WLS: variants seen among roughly 807,000 people sequenced by gnomAD.
WLS encodes the protein Wnt ligand secretion mediator, also known as protein wntless homolog.
WLS carries 23 observed loss-of-function variants against 62.8 expected under a neutral mutation model. The ratio of observed to expected loss-of-function variants is 0.37; its 90% CI spans 0.26 to 0.52. The LOEUF (loss-of-function observed/expected upper bound fraction) is 0.52, where lower values mean the gene tolerates loss of function less well. Among genes scored for constraint, WLS ranks in the 20% least tolerant of loss-of-function variants. WLS has a pLI of 0.92. For synonymous variants in WLS, 246 were observed against 244.1 expected, an observed-to-expected ratio of 1.01 and a Z score of -0.07; for missense variants, 615 against 697.3, an observed-to-expected ratio of 0.88 and a Z score of 1.33.
chr1:68,104,272 G>A (rs1230659050), intron 11 of WLS, among the ~76,000 whole-genome samples: 1 of 152,088 alleles, frequency 6.6e-6, no homozygotes, highest in African/African-American at 2.4e-5. Context: ...ATACAAAATG[G>A]TTCTGAGAAT....
At chr1:68,136,523 C>T (rs538203752) in intron 11 of WLS, among the ~76,000 whole-genome samples, 6 of 152,296 alleles carry the variant, frequency 3.9e-5, no homozygotes, top group East Asian at 1.9e-4. Context: ...TACCACCCCC[C>T]GCTTTGTAAA....
At chr1:68,122,877 C>T (rs1355893897), downstream of WLS, among the ~76,000 whole-genome samples, 1 of 152,224 alleles carries the variant, frequency 6.6e-6, no homozygotes, top group African/African-American at 2.4e-5. Context: ...TGCAACCCCT[C>T]TCCTCTGGAC....
At chr1:68,153,956 G>T (rs1310431710) in intron 4 of WLS, among the ~76,000 whole-genome samples, 2 of 152,160 alleles carry the variant, frequency 1.3e-5, no homozygotes, top group Non-Finnish European at 2.9e-5. Flanking sequence ...GGGCTTTGGG[G>T]CAGGGTCACT....
At chr1:68,147,999 T>C in intron 8 of WLS, 137 bp downstream of exon 8, 2 of 886,186 alleles carry the variant, frequency 2.3e-6, no homozygotes, top group South Asian at 1.6e-5. Flanking sequence ...GCCTTAATTG[T>C]GCTGTTATGA....
intron 6 of WLS, 85 bp downstream of exon 6, chr1:68,150,103 C>A: frequency 1.4e-6 from 2 of 1,445,420 alleles, no homozygotes; most frequent in African/African-American, 1.4e-5. Flanking sequence ...CCACTGCTGA[C>A]TAGAGGCAAA....
intron 11 of WLS, among the ~76,000 whole-genome samples, chr1:68,100,217 G>A (rs1462232770): frequency 6.6e-6 from 1 of 152,224 alleles, no homozygotes; most frequent in Non-Finnish European, 1.5e-5. Context: ...TCACATATTA[G>A]TTGAGGATCC....
chr1:68,232,252 A>G lies in WLS; in HGVS notation c.48T>C (p.Ile16=), dbSNP rs1009088720. The change falls in exon 1 of 12, where the codon ATT becomes ATC. Residue 16 remains isoleucine, a synonymous_variant. Transcript: ENST00000262348. ...IENMSTKKLC[I]VGGILLVFQI... ...GGAACACGAGCAGAATCCCACCAACAATGCACAGCTTCTTGGTGCTCATGT... is the reference window on the plus strand; with the variant it reads ...GGAACACGAGCAGAATCCCACCAACGATGCACAGCTTCTTGGTGCTCATGT... The G allele has an allele frequency of 6.2e-7, 1 of 1,614,054 alleles. No individual in the cohort carries two copies. Among genetic ancestry groups the G allele is most frequent in the Non-Finnish European group, 8.5e-7 (1 of 1,180,000 alleles).
chr1:68,148,022 T>G, intron 8 of WLS, 114 bp downstream of exon 8: 1 of 1,106,894 alleles, frequency 9.0e-7, no homozygotes, highest in Non-Finnish European at 1.3e-6. Context: ...GGCCTGAGAA[T>G]CAAAGCCCTG....
chr1:68,178,448 C>T (rs902775703), intron 2 of WLS, among the ~76,000 whole-genome samples: 1 of 152,152 alleles, frequency 6.6e-6, no homozygotes, highest in Non-Finnish European at 1.5e-5. Flanking sequence ...CGCCTGTAAT[C>T]CCAGCACTTT....
chr1:68,123,714 C>G (rs1646390476), downstream of WLS, among the ~76,000 whole-genome samples: 1 of 152,130 alleles, frequency 6.6e-6, no homozygotes, highest in South Asian at 2.1e-4. Context: ...GACCTGACTT[C>G]CTGGTCACAG....
intron 2 of WLS, chr1:68,162,315 C>A: frequency 6.2e-7 from 1 of 1,613,668 alleles, no homozygotes. Flanking sequence ...GCCTCATCTG[C>A]TTTATGGTAA....
intron 1 of WLS, among the ~76,000 whole-genome samples, chr1:68,219,582 A>G (rs995101113): frequency 1.3e-5 from 2 of 152,206 alleles, no homozygotes; most frequent in African/African-American, 4.8e-5. Flanking sequence ...TTACCTCCAC[A>G]ATAGGTCCAA....
At chr1:68,172,347 G>C in intron 2 of WLS, among the ~76,000 whole-genome samples, 1 of 151,530 alleles carries the variant, frequency 6.6e-6, no homozygotes, top group East Asian at 2.0e-4. Flanking sequence ...TCCAAATGCT[G>C]TATATAAATA....
Position 68,198,236 on chromosome 1 carries a change from C to G in WLS, c.107-4009G>C, listed in dbSNP as rs948745244. Among the ~76,000 whole-genome samples, 4 of 152,146 alleles carry G rather than the reference C, an allele frequency of 2.6e-5. No individual in the cohort carries two copies. The East Asian group carries it at 5.8e-4, about 22-fold the overall frequency. ...ACTAAATATGCCTAGTCACTGTAAA[C>G]TGGTTAACTCATGGTTGGTTAAGAT... On this transcript the variant is annotated intron_variant, in intron 1 of 11. Transcript: ENST00000262348.
intron 1 of WLS, among the ~76,000 whole-genome samples, chr1:68,204,554 G>A (rs938333084): frequency 2.0e-5 from 3 of 152,096 alleles, no homozygotes; most frequent in African/African-American, 4.8e-5. Context: ...TGATCCGCCC[G>A]CCTGGGCCTC....
intron 3 of WLS, among the ~76,000 whole-genome samples, chr1:68,155,795 C>A (rs1646889235): frequency 1.3e-5 from 2 of 151,044 alleles, no homozygotes; most frequent in Non-Finnish European, 2.9e-5. Flanking sequence ...ATTCACTTGC[C>A]AGGAAAAAAA....
intron 2 of WLS, among the ~76,000 whole-genome samples, chr1:68,173,355 T>C (rs1402044283): frequency 6.6e-6 from 1 of 152,170 alleles, no homozygotes; most frequent in Non-Finnish European, 1.5e-5. Context: ...ACACTGTCAG[T>C]ACACAGAGCA....
intron 5 of WLS, among the ~76,000 whole-genome samples, chr1:68,151,479 T>C (rs1646824822): frequency 1.3e-5 from 2 of 152,238 alleles, no homozygotes; most frequent in South Asian, 2.1e-4. Flanking sequence ...TCAGTCACTA[T>C]TCTAAGATGC....
chr1:68,146,588 G>C (rs568758783), intron 8 of WLS, among the ~76,000 whole-genome samples: 2 of 152,216 alleles, frequency 1.3e-5, no homozygotes, highest in Admixed American at 1.3e-4. Context: ...GAGGAGATAC[G>C]TGGGGGCTCA....
Sources: allele counts gnomAD v4.1 joint callset (sites outside exome capture counted in the v4.1 genomes callset), GRCh38; gene constraint gnomAD v4.1.1; transcripts MANE v1.5; gene names NCBI Gene and HGNC (gene_info 2026-07-23, HGNC 2026-07-21).